The following APH1B variants were observed in gnomAD, a reference collection of about 807,000 sequenced individuals.
The protein encoded by APH1B is gamma-secretase subunit APH-1B.
In APH1B, 27 loss-of-function variants were observed where a neutral mutation model predicts 28.2. That is an observed-to-expected ratio of 0.96 (90% CI 0.70 to 1.32). The LOEUF (loss-of-function observed/expected upper bound fraction) is 1.32, where lower values mean the gene tolerates loss of function less well. Among genes scored for constraint, APH1B ranks in the 40% most tolerant of loss-of-function variants. The probability of loss-of-function intolerance (pLI) is 0.00; values close to 1 mark genes in which losing one functional copy is unlikely to be tolerated. For missense variants in APH1B, 305 were observed against 313.6 expected, an observed-to-expected ratio of 0.97 and a Z score of 0.21; for synonymous variants, 141 against 124.6, an observed-to-expected ratio of 1.13 and a Z score of -0.88.
intron 1 of APH1B, chr15:63,278,065 G>A (rs1567026047): frequency 2.6e-6 from 1 of 390,060 alleles, no homozygotes; most frequent in South Asian, 2.3e-5. Context: ...ATTTCCCTCA[G>A]ATTCTCAAAG....
rs1342100078 is a variant in APH1B, at chr15:63,302,423, G to A, written c.557G>A (p.Trp186Ter). The change falls in exon 5 of 6, where the codon TGG becomes TAG. Residue 186 changes from tryptophan to a stop codon, truncating the protein, a stop_gained. Transcript: ENST00000261879. LOFTEE classifies it high-confidence loss of function. ...TTTGATGGCTGTGAGAAGAAAAAGT[G>A]GGGCATCCTCCTTATCGTTCTCCTG... is the stretch of plus-strand genomic sequence containing the variant. ...VFFDGCEKKK[W>*]GILLIVLLTH... 2 of 1,614,044 alleles carry A rather than the reference G, an allele frequency of 1.2e-6. No homozygotes were observed. Among genetic ancestry groups the A allele is most frequent in the Non-Finnish European group, 1.7e-6 (2 of 1,180,004 alleles).
intron 4 of APH1B, among the ~76,000 whole-genome samples, chr15:63,295,521 C>G (rs2038556202): frequency 6.6e-6 from 1 of 152,196 alleles, no homozygotes; most frequent in Non-Finnish European, 1.5e-5. Context: ...CTTCAAAGAG[C>G]CTTCTCAGGA....
chr15:63,289,374 G>T (rs552091193), intron 4 of APH1B, among the ~76,000 whole-genome samples: 6 of 151,950 alleles, frequency 3.9e-5, no homozygotes, highest in African/African-American at 1.4e-4. Context: ...CATTTATTTA[G>T]ACACAACTCA....
chr15:63,285,942 T>A (rs2038440761), intron 2 of APH1B, among the ~76,000 whole-genome samples: 2 of 152,244 alleles, frequency 1.3e-5, no homozygotes, highest in African/African-American at 4.8e-5. Context: ...GATCATATGA[T>A]TAAATACTCG....
intron 1 of APH1B, 79 bp from the exon 2 acceptor site, chr15:63,279,080 GTT>G (rs35859954): frequency 2.7e-4 from 250 of 940,824 alleles, no homozygotes; most frequent in Middle Eastern, 5.1e-4. Context: ...TCTCAAGCAG[GTT>G]TTTTTTTTTT....
intron 4 of APH1B, among the ~76,000 whole-genome samples, chr15:63,298,484 A>G (rs571728527): frequency 6.6e-6 from 1 of 152,286 alleles, no homozygotes; most frequent in South Asian, 2.1e-4. Flanking sequence ...TGCTGGGATT[A>G]TAGGAGTAAG....
At chr15:63,283,076 A>G (rs185278968) in intron 2 of APH1B, among the ~76,000 whole-genome samples, 32 of 152,306 alleles carry the variant, frequency 2.1e-4, no homozygotes, top group Middle Eastern at 3.4e-3. Flanking sequence ...GTACTTTCTC[A>G]CTTCCTGATG....
At position 63,308,349 on chromosome 15, in the gene APH1B, G is replaced by C. The variant is rs2038708382; in HGVS notation, c.*2568G>C. 6.6e-6 allele frequency: 1 copy of C among 152,162 alleles called. No homozygotes were observed. Among genetic ancestry groups the C allele is most frequent in the South Asian group, 2.1e-4 (1 of 4,826 alleles). The allele number at this position is 152,162 out of a possible 1,614,324, so 9.4% of individuals were successfully genotyped here. On this transcript the variant is annotated 3_prime_UTR_variant, in exon 6 of 6. Coordinates refer to ENST00000261879, the MANE Select transcript of APH1B (RefSeq NM_031301.4). ...TCATTTGAATTACTAGTTATAACTGGAGAAATTTTGTTACCTCTATCCTGG... is the reference window on the plus strand; with the variant it reads ...TCATTTGAATTACTAGTTATAACTGCAGAAATTTTGTTACCTCTATCCTGG...
At position 63,306,545 on chromosome 15, in the gene APH1B, A is replaced by G. The variant is rs1457181309; in HGVS notation, c.*764A>G. On this transcript the variant is annotated 3_prime_UTR_variant, in exon 6 of 6. Coordinates refer to ENST00000261879, the MANE Select transcript of APH1B (RefSeq NM_031301.4). ...TTTTAAAATCAGGAATTTTTATGCA[A>G]TGTCTATAAGCCTGTTTAAAGCTTT... is the stretch of plus-strand genomic sequence containing the variant. The G allele has an allele frequency of 2.6e-5, 4 of 152,206 alleles. No individual in the cohort carries two copies. Among genetic ancestry groups the G allele is most frequent in the Admixed American group, 2.0e-4 (3 of 15,284 alleles). 9.4% of individuals were successfully genotyped at this position (152,206 alleles called of 1,614,324 possible).
At chr15:63,278,052 C>G (rs1375222607) in intron 1 of APH1B, 1 of 403,442 alleles carries the variant, frequency 2.5e-6, no homozygotes, top group South Asian at 2.3e-5. Context: ...GGGGGAGTCC[C>G]TAATTTCCCT....
At chr15:63,299,276 C>T (rs2038599488) in intron 4 of APH1B, among the ~76,000 whole-genome samples, 1 of 152,044 alleles carries the variant, frequency 6.6e-6, no homozygotes, top group South Asian at 2.1e-4. Flanking sequence ...GAAATATGGA[C>T]CTAGAATTTG....
At chr15:63,299,245 C>T (rs2038599153) in intron 4 of APH1B, among the ~76,000 whole-genome samples, 1 of 152,082 alleles carries the variant, frequency 6.6e-6, no homozygotes. Flanking sequence ...ATCCATCAGA[C>T]TTCTTAGTAA....
rs137862301 is a variant in APH1B, at chr15:63,296,097, G to A, written c.479-6248G>A. On this transcript the variant is annotated intron_variant, in intron 4 of 5. Coordinates refer to ENST00000261879, the MANE Select transcript of APH1B (RefSeq NM_031301.4). ...CTCTTACATTCTTTAAAACAAAAAT[G>A]TTAAGTTAAATCCCCATTAGAGAAA... Among the ~76,000 whole-genome samples the A allele has an allele frequency of 6.1e-3, 936 of 152,278 alleles. 8 individuals are homozygous for A. The highest frequency in any genetic ancestry group is 0.02 in the African/African-American group (849 of 41,548).
intron 3 of APH1B, chr15:63,287,218 G>T: frequency 3.6e-6 from 2 of 563,140 alleles, no homozygotes; most frequent in South Asian, 2.6e-5. Flanking sequence ...GCTGCATTCT[G>T]CCATTCATTT....
chr15:63,279,453 T>C, intron 2 of APH1B, 122 bp downstream of exon 2: 2 of 817,384 alleles, frequency 2.4e-6, no homozygotes, highest in Non-Finnish European at 3.5e-6. Context: ...AGCCAAGAGA[T>C]TGGTACATTT....
At chr15:63,277,900 C>T (rs2152590492) in intron 1 of APH1B, 164 bp downstream of exon 1, 1 of 695,868 alleles carries the variant, frequency 1.4e-6, no homozygotes, top group Non-Finnish European at 2.3e-6. Flanking sequence ...AAAGGCGCCT[C>T]GCCCTCTTAG....
intron 3 of APH1B, 79 bp from the exon 4 acceptor site, chr15:63,287,345 T>G: frequency 6.4e-7 from 1 of 1,565,328 alleles, no homozygotes; most frequent in Non-Finnish European, 8.7e-7. Context: ...TCCAACACAC[T>G]TTGTATTAAC....
In APH1B at chr15:63,297,689, G is replaced by A. The variant is rs145856580; in HGVS notation, c.479-4656G>A. Among the ~76,000 whole-genome samples the A allele has an allele frequency of 9.2e-5, 14 of 152,312 alleles. No homozygotes were observed. In the East Asian group the frequency reaches 2.7e-3, roughly 29 times the overall value. ...TATTAGCAAATTTTCATTACTAGCT[G>A]GAATTTGTTCCTTTTACTAATGAGA... is the stretch of plus-strand genomic sequence containing the variant. On this transcript the variant is annotated intron_variant, in intron 4 of 5. Transcript: ENST00000261879.
At chr15:63,280,745 C>T (rs1458198617) in intron 2 of APH1B, among the ~76,000 whole-genome samples, 2 of 152,176 alleles carry the variant, frequency 1.3e-5, no homozygotes, top group African/African-American at 2.4e-5. Flanking sequence ...CATGGTAATA[C>T]AACATCCCTA....
Sources: gnomAD v4.1 joint callset for allele counts (sites outside exome capture counted in the v4.1 genomes callset) on GRCh38, gnomAD v4.1.1 for gene constraint, MANE v1.5 for transcripts, NCBI Gene and HGNC (gene_info 2026-07-23, HGNC 2026-07-21) for gene names.